NPAS2: variants seen among roughly 807,000 people sequenced by gnomAD.
NPAS2 encodes the protein neuronal PAS domain protein 2, also known as neuronal PAS domain-containing protein 2.
In NPAS2, 23 loss-of-function variants were observed where a neutral mutation model predicts 107.5. The ratio of observed to expected loss-of-function variants is 0.21; its 90% CI spans 0.15 to 0.30. The LOEUF is 0.30. Ranked by LOEUF, NPAS2 falls within the 10% of genes least tolerant of loss-of-function variation. The probability of loss-of-function intolerance (pLI) is 1.00; values close to 1 mark genes in which losing one functional copy is unlikely to be tolerated. For synonymous variants in NPAS2, 403 were observed against 417.5 expected, an observed-to-expected ratio of 0.97 and a Z score of 0.42; for missense variants, 756 against 1,043.3, an observed-to-expected ratio of 0.72 and a Z score of 3.79.
At chr2:100,874,141 C>T (rs941028346) in intron 1 of NPAS2, among the ~76,000 whole-genome samples, 3 of 152,000 alleles carry the variant, frequency 2.0e-5, no homozygotes, top group African/African-American at 7.2e-5. Flanking sequence ...CATGCCACCA[C>T]ACCTGGCTAA....
intron 2 of NPAS2, among the ~76,000 whole-genome samples, chr2:100,910,523 C>CTTTTTT (rs5832943): frequency 7.2e-6 from 1 of 138,418 alleles, no homozygotes; most frequent in Non-Finnish European, 1.6e-5. Context: ...ATGACATCTT[C>CTTTTTT]TTTTTTTTTT....
intron 2 of NPAS2, among the ~76,000 whole-genome samples, chr2:100,921,652 A>C (rs1683234381): frequency 1.3e-5 from 2 of 152,226 alleles, no homozygotes; most frequent in Admixed American, 1.3e-4. Context: ...ATAAATGGCC[A>C]TTAAGCATGT....
At chr2:100,836,636 G>A (rs1263220670) in intron 1 of NPAS2, among the ~76,000 whole-genome samples, 1 of 152,176 alleles carries the variant, frequency 6.6e-6, no homozygotes, top group Non-Finnish European at 1.5e-5. Context: ...GTGCAGGTCA[G>A]GGGTGGCTCT....
chr2:100,851,526 CA>C (rs1459453178), intron 1 of NPAS2, among the ~76,000 whole-genome samples: 1 of 152,158 alleles, frequency 6.6e-6, no homozygotes, highest in African/African-American at 2.4e-5. Flanking sequence ...CAGCGTTGTT[CA>C]TGTTAGCAAA....
At chr2:100,878,073 G>A in intron 1 of NPAS2, 1 of 985,392 alleles carries the variant, frequency 1.0e-6, no homozygotes, top group African/African-American at 1.7e-5. Context: ...GCAAAAAGTG[G>A]TGACGAGTCA....
At chr2:100,898,661 C>T (rs371993062) in intron 1 of NPAS2, among the ~76,000 whole-genome samples, 134 of 151,990 alleles carry the variant, frequency 8.8e-4, no homozygotes, top group African/African-American at 3.2e-3. Context: ...GCAATGGCTC[C>T]AATTGTTAAT....
chr2:100,983,923 G>C (rs1284717282), intron 16 of NPAS2: 2 of 152,204 alleles, frequency 1.3e-5, no homozygotes, highest in Non-Finnish European at 2.9e-5. Flanking sequence ...CTAAAATTGA[G>C]GTAGGCGTAT....
intron 15 of NPAS2, among the ~76,000 whole-genome samples, chr2:100,979,973 A>C (rs1470849777): frequency 6.6e-6 from 1 of 152,218 alleles, no homozygotes; most frequent in African/African-American, 2.4e-5. Context: ...CTTCAGGGAA[A>C]GAAGGGAAAA....
chr2:100,944,470 T>C (rs1246046582), intron 5 of NPAS2, among the ~76,000 whole-genome samples: 1 of 152,146 alleles, frequency 6.6e-6, no homozygotes, highest in African/African-American at 2.4e-5. Context: ...TTCCCGATCG[T>C]GGGACTCGGC....
chr2:100,960,913 G>A (rs1675879682), intron 7 of NPAS2, among the ~76,000 whole-genome samples: 1 of 152,170 alleles, frequency 6.6e-6, no homozygotes, highest in Non-Finnish European at 1.5e-5. Context: ...GACAGAGAAT[G>A]AGCCCCAGTT....
At chr2:100,935,591 T>C (rs1023807568) in intron 4 of NPAS2, among the ~76,000 whole-genome samples, 3 of 152,206 alleles carry the variant, frequency 2.0e-5, no homozygotes, top group Non-Finnish European at 4.4e-5. Context: ...ATCTCCCGTC[T>C]ATAAATACCT....
At chr2:100,878,105 A>T in intron 1 of NPAS2, 1 of 985,368 alleles carries the variant, frequency 1.0e-6, no homozygotes, top group Non-Finnish European at 1.2e-6. Flanking sequence ...TGTCCACGGA[A>T]GGTTGTTTGG....
At position 100,974,907 on chromosome 2, in the gene NPAS2, C is replaced by T. The variant is rs1168065449; in HGVS notation, c.1245C>T (p.Ser415=). Residue 415 remains serine, a synonymous_variant, in exon 13 of 21, where the codon TCC becomes TCT. Transcript: ENST00000335681. ...CGCCATCGGCGTCCTCAAGAAGTTC[C>T]CACAAATCCTCGCACACAGCCATGT... ...SHSPSASSRS[S]HKSSHTAMSE... The T allele has an allele frequency of 6.2e-7, 1 of 1,614,030 alleles. No homozygotes were observed. Among genetic ancestry groups the T allele is most frequent in the South Asian group, 1.1e-5 (1 of 91,074 alleles).
chr2:100,980,112 T>C (rs1430097211), intron 15 of NPAS2, among the ~76,000 whole-genome samples: 2 of 152,138 alleles, frequency 1.3e-5, no homozygotes, highest in African/African-American at 2.4e-5. Context: ...AACATCACCA[T>C]CAAGAAGGTA....
At chr2:100,966,785 C>T (rs549431253) in intron 10 of NPAS2, among the ~76,000 whole-genome samples, 1 of 151,982 alleles carries the variant, frequency 6.6e-6, no homozygotes, top group African/African-American at 2.4e-5. Flanking sequence ...TTAGTACAGA[C>T]AGGGTTTCAC....
chr2:100,882,337 C>T (rs762866402), intron 1 of NPAS2, among the ~76,000 whole-genome samples: 7 of 152,298 alleles, frequency 4.6e-5, no homozygotes, highest in Non-Finnish European at 7.3e-5. Flanking sequence ...CAGCCGGGCG[C>T]AGTGGCTCAT....
At chr2:100,930,603 G>A (rs192104809) in intron 3 of NPAS2, among the ~76,000 whole-genome samples, 5 of 148,252 alleles carry the variant, frequency 3.4e-5, no homozygotes, top group African/African-American at 7.5e-5. Flanking sequence ...TCCTCGATTC[G>A]AGACATCGTA....
At chr2:100,906,874 A>G (rs961020605) in intron 2 of NPAS2, among the ~76,000 whole-genome samples, 39 of 152,318 alleles carry the variant, frequency 2.6e-4, no homozygotes, top group African/African-American at 8.7e-4. Context: ...AAAGTTCAAC[A>G]AGGTTGAGTA....
At chr2:100,974,158 T>G (rs1459992608) in intron 12 of NPAS2, among the ~76,000 whole-genome samples, 4 of 152,198 alleles carry the variant, frequency 2.6e-5, no homozygotes, top group Non-Finnish European at 4.4e-5. Context: ...CAGCCCCTGT[T>G]TTCATGTGCC....
Sources: allele counts gnomAD v4.1 joint callset (sites outside exome capture counted in the v4.1 genomes callset), GRCh38; gene constraint gnomAD v4.1.1; transcripts MANE v1.5; gene names NCBI Gene and HGNC (gene_info 2026-07-23, HGNC 2026-07-21).